NBEA: variants seen among roughly 807,000 people sequenced by gnomAD.
NBEA encodes the protein neurobeachin, also known as lysosomal-trafficking regulator 2.
NBEA carries 44 observed loss-of-function variants against 343.4 expected under a neutral mutation model. The observed-to-expected ratio is 0.13, with a 90% CI of 0.10 to 0.16. NBEA has a LOEUF of 0.16. NBEA is among the 10% of genes least tolerant of loss of function. The probability of loss-of-function intolerance (pLI) is 1.00; values close to 1 mark genes in which losing one functional copy is unlikely to be tolerated. For missense variants in NBEA, 2,555 were observed against 3,631.3 expected, an observed-to-expected ratio of 0.70 and a Z score of 7.62; for synonymous variants, 1,175 against 1,238.7, an observed-to-expected ratio of 0.95 and a Z score of 1.08.
intron 1 of NBEA, among the ~76,000 whole-genome samples, chr13:35,006,968 T>C (rs2061339904): frequency 6.6e-6 from 1 of 152,228 alleles, no homozygotes; most frequent in Admixed American, 6.5e-5. Context: ...ACTTCTGTTA[T>C]TTCAGTTTTC....
At chr13:35,504,162 AT>A (rs1217986677) in intron 41 of NBEA, among the ~76,000 whole-genome samples, 1 of 152,142 alleles carries the variant, frequency 6.6e-6, no homozygotes, top group Non-Finnish European at 1.5e-5. Context: ...AACATTTTGG[AT>A]TTTAAAACCA....
At chr13:35,461,288 C>T (rs527246968) in intron 40 of NBEA, among the ~76,000 whole-genome samples, 2 of 152,100 alleles carry the variant, frequency 1.3e-5, no homozygotes, top group Non-Finnish European at 2.9e-5. Context: ...TTTCACAAAC[C>T]GTACTCATAA....
chr13:35,068,483 G>A (rs1395910279), intron 8 of NBEA, among the ~76,000 whole-genome samples: 1 of 152,144 alleles, frequency 6.6e-6, no homozygotes, highest in East Asian at 1.9e-4. Context: ...CAACTTATCT[G>A]TGTGTTTTAA....
intron 38 of NBEA, among the ~76,000 whole-genome samples, chr13:35,353,186 A>AAAGTAAC (rs2040287508): frequency 6.6e-6 from 1 of 152,204 alleles, no homozygotes; most frequent in Non-Finnish European, 1.5e-5. Context: ...CTGTAATCCC[A>AAAGTAAC]GCACTTTGGG....
chr13:35,382,875 A>C (rs2152893200), intron 38 of NBEA, among the ~76,000 whole-genome samples: 1 of 152,320 alleles, frequency 6.6e-6, no homozygotes, highest in East Asian at 1.9e-4. Flanking sequence ...CTGTATTTCA[A>C]ATTCAAACTT....
At chr13:35,017,341 C>T (rs2061692070) in intron 1 of NBEA, among the ~76,000 whole-genome samples, 6 of 152,098 alleles carry the variant, frequency 3.9e-5, no homozygotes, top group African/African-American at 9.7e-5. Flanking sequence ...GTGCTGAGAC[C>T]TACCTGTGGG....
At chr13:35,126,018 A>G (rs553468347) in intron 17 of NBEA, among the ~76,000 whole-genome samples, 1 of 152,136 alleles carries the variant, frequency 6.6e-6, no homozygotes, top group African/African-American at 2.4e-5. Context: ...AGAAATGTTA[A>G]CATAGTGATA....
Position 35,395,193 on chromosome 13 carries a change from A to G in NBEA, c.6180-37076A>G, listed in dbSNP as rs78031661. On this transcript the variant is annotated intron_variant, in intron 38 of 58. Coordinates refer to ENST00000379939, the MANE Select transcript of NBEA (RefSeq NM_001385012.1). ...GACATATCTTGTCAAACATAATGAT[A>G]TGGTTTGGATCTGTGTCCCTGCCCA... Among the ~76,000 whole-genome samples, 526 of 152,038 alleles carry G rather than the reference A, an allele frequency of 3.5e-3. 3 individuals carry two copies. Among genetic ancestry groups the G allele is most frequent in the African/African-American group, 0.012 (506 of 41,494 alleles).
chr13:35,467,323 T>G (rs1282608040), intron 40 of NBEA, among the ~76,000 whole-genome samples: 1 of 151,908 alleles, frequency 6.6e-6, no homozygotes. Context: ...AATACAAAAA[T>G]TAGCTGGGCA....
At chr13:35,491,062 T>C (rs1203597826) in intron 41 of NBEA, among the ~76,000 whole-genome samples, 4 of 151,944 alleles carry the variant, frequency 2.6e-5, no homozygotes, top group Admixed American at 6.6e-5. Context: ...TTTAAACTTA[T>C]ATTACCCAAG....
At chr13:35,456,056 C>T (rs1050050878) in intron 40 of NBEA, among the ~76,000 whole-genome samples, 4 of 151,896 alleles carry the variant, frequency 2.6e-5, no homozygotes, top group African/African-American at 9.7e-5. Context: ...TTTAGTTTTG[C>T]TTATAGATAG....
At chr13:35,493,846 G>A (rs989135651) in intron 41 of NBEA, among the ~76,000 whole-genome samples, 7 of 151,644 alleles carry the variant, frequency 4.6e-5, no homozygotes, top group Admixed American at 4.6e-4. Flanking sequence ...GGTGTATCTC[G>A]TCATGTGCAA....
At chr13:35,296,798 G>T (rs983727358) in intron 35 of NBEA, among the ~76,000 whole-genome samples, 39 of 151,448 alleles carry the variant, frequency 2.6e-4, no homozygotes, top group Non-Finnish European at 3.7e-4. Flanking sequence ...TTTTTTGGTG[G>T]TAAATTTTCT....
chr13:35,123,395 A>G (rs2066906103), intron 16 of NBEA, 87 bp from the exon 17 acceptor site: 1 of 618,038 alleles, frequency 1.6e-6, no homozygotes, highest in Admixed American at 3.6e-5. Flanking sequence ...TATATTTCAC[A>G]TATGTATAAT....
intron 10 of NBEA, among the ~76,000 whole-genome samples, chr13:35,088,981 T>G (rs2152623060): frequency 7.8e-6 from 1 of 128,388 alleles, no homozygotes; most frequent in Non-Finnish European, 1.7e-5. Context: ...GGCATTACCA[T>G]TCAGGACATA....
rs755119468 is a variant in NBEA, at chr13:35,211,193, C to T, written c.5648+14C>T. ...TGAAAATATGAGGTATGCATGACTA[C>T]TTTTTATTCATTTTAACTCTTTTTA... On this transcript the variant is annotated intron_variant, in intron 33 of 58. Coordinates refer to ENST00000379939, the MANE Select transcript of NBEA (RefSeq NM_001385012.1). The T allele has an allele frequency of 8.4e-6, 13 of 1,539,968 alleles. No homozygotes were observed. In the African/African-American group the frequency reaches 1.4e-4, roughly 16 times the overall value.
chr13:35,168,434 T>C (rs1395356156), intron 24 of NBEA, among the ~76,000 whole-genome samples: 1 of 151,624 alleles, frequency 6.6e-6, no homozygotes, highest in African/African-American at 2.4e-5. Context: ...GGAAAAGTGG[T>C]TTATAAGTTA....
At chr13:35,597,850 A>G (rs1433385184) in intron 47 of NBEA, among the ~76,000 whole-genome samples, 1 of 152,170 alleles carries the variant, frequency 6.6e-6, no homozygotes, top group Admixed American at 6.5e-5. Context: ...CCCTCCCAGA[A>G]TAAGGAAGAG....
rs562979843 is a variant in NBEA, at chr13:34,986,232, G to A, written c.294+43118G>A. Among the ~76,000 whole-genome samples the A allele has an allele frequency of 2.8e-4, 42 of 150,728 alleles. 2 individuals carry two copies. The South Asian group carries it at 8.5e-3, about 31-fold the overall frequency. On this transcript the variant is annotated intron_variant, in intron 1 of 58. Coordinates refer to ENST00000379939, the MANE Select transcript of NBEA (RefSeq NM_001385012.1). ...TGTGCCACTGAGATTTTGGTACATTGTGTCTTTGTTCTCGTTGGTTTCAAA... is the reference window on the plus strand; with the variant it reads ...TGTGCCACTGAGATTTTGGTACATTATGTCTTTGTTCTCGTTGGTTTCAAA...
Sources: gnomAD v4.1 joint callset for allele counts (sites outside exome capture counted in the v4.1 genomes callset) on GRCh38, gnomAD v4.1.1 for gene constraint, MANE v1.5 for transcripts, NCBI Gene and HGNC (gene_info 2026-07-23, HGNC 2026-07-21) for gene names.